Variants in PDE1A observed in about 807,000 individuals in gnomAD.
PDE1A encodes the protein dual specificity calcium/calmodulin-dependent 3',5'-cyclic nucleotide phosphodiesterase 1A.
A neutral mutation model predicts 61.7 loss-of-function variants in PDE1A; 35 were observed. The observed-to-expected ratio is 0.57, with a 90% CI of 0.43 to 0.75. The LOEUF is 0.75. Among genes scored for constraint, PDE1A ranks in the 30% least tolerant of loss-of-function variants. The pLI, the probability that PDE1A is intolerant of heterozygous loss-of-function variation, is 0.00. For missense variants in PDE1A, 597 were observed against 630.6 expected, an observed-to-expected ratio of 0.95 and a Z score of 0.57; for synonymous variants, 232 against 213.2, an observed-to-expected ratio of 1.09 and a Z score of -0.77.
chr2:182,522,396 TAC>T, intron 1 of PDE1A: 1 of 1,612,830 alleles, frequency 6.2e-7, no homozygotes, highest in Non-Finnish European at 8.5e-7. Context: ...CCTAAGACAA[TAC>T]AGTTACAGTC....
intron 2 of PDE1A, among the ~76,000 whole-genome samples, chr2:182,480,952 G>C (rs1574762418): frequency 6.6e-6 from 1 of 151,994 alleles, no homozygotes; most frequent in Non-Finnish European, 1.5e-5. Flanking sequence ...TACCTCCTCT[G>C]TCCTCTCTCC....
At chr2:182,379,509 G>A (rs1054833215) in intron 1 of PDE1A, among the ~76,000 whole-genome samples, 1 of 152,170 alleles carries the variant, frequency 6.6e-6, no homozygotes, top group Non-Finnish European at 1.5e-5. Flanking sequence ...AGAAATAAGG[G>A]CTTGGACAAG....
chr2:182,409,917 T>C (rs1702513808), intron 1 of PDE1A, among the ~76,000 whole-genome samples: 1 of 152,226 alleles, frequency 6.6e-6, no homozygotes, highest in African/African-American at 2.4e-5. Context: ...AGGATAATAA[T>C]TTTAATATAA....
chr2:182,551,930 T>C, the PDE1A span, among the ~76,000 whole-genome samples: 5 of 152,256 alleles, frequency 3.3e-5, no homozygotes, highest in South Asian at 8.3e-4. Flanking sequence ...CCAAACACAG[T>C]GTCTATTTCT....
chr2:182,209,474 C>T (rs961845883), intron 7 of PDE1A, among the ~76,000 whole-genome samples: 8 of 151,368 alleles, frequency 5.3e-5, no homozygotes. Flanking sequence ...ATGTTGATTA[C>T]AATTCAACAT....
chr2:182,432,538 T>A (rs890215351), intron 2 of PDE1A, among the ~76,000 whole-genome samples: 2 of 152,100 alleles, frequency 1.3e-5, no homozygotes, highest in Non-Finnish European at 2.9e-5. Context: ...TTGTATTCCC[T>A]GTGCATAGTA....
the PDE1A span, among the ~76,000 whole-genome samples, chr2:182,587,923 G>A: frequency 6.6e-6 from 1 of 152,182 alleles, no homozygotes; most frequent in East Asian, 1.9e-4. Flanking sequence ...ACAACTTGAT[G>A]TGACTTTGAA....
In PDE1A at chr2:182,315,387, T is replaced by C. The variant is rs112387379; in HGVS notation, c.54-50973A>G. Reference sequence around the variant, plus strand: ...ACAGAGTTTCTCTCTCAGAACTTACTTCTAGAAAGCTAGAAGACAAATATT... The same window carrying C: ...ACAGAGTTTCTCTCTCAGAACTTACCTCTAGAAAGCTAGAAGACAAATATT... On this transcript the variant is annotated intron_variant, in intron 1 of 13. Transcript: ENST00000351439. Among the ~76,000 whole-genome samples the C allele has an allele frequency of 6.6e-5, 10 of 152,302 alleles. 1 individual carries two copies. The highest frequency in any genetic ancestry group is 2.4e-4 in the African/African-American group (10 of 41,560).
chr2:182,155,111 G>A lies in PDE1A; in HGVS notation c.1517-7959C>T, dbSNP rs113795787. 1.1e-3 allele frequency among the ~76,000 whole-genome samples: 165 copies of A among 144,720 alleles called. 1 individual carries two copies. The Middle Eastern group carries it at 0.014, about 13-fold the overall frequency. The allele number at this position is 144,720 out of a possible 152,430, so 94.9% of individuals were successfully genotyped here. ...TTTTTTTTTTTTTTTTTTAAGAGAG[G>A]GTCCCACTCTGGTTACCCAGGCTGG... is the stretch of plus-strand genomic sequence containing the variant. On this transcript the variant is annotated intron_variant, in intron 13 of 13. Transcript: ENST00000409365.
At chr2:182,362,123 T>G (rs531218274) in intron 1 of PDE1A, among the ~76,000 whole-genome samples, 1 of 152,192 alleles carries the variant, frequency 6.6e-6, no homozygotes, top group Non-Finnish European at 1.5e-5. Flanking sequence ...AGAATTCAGA[T>G]GTTTGCTAGT....
chr2:182,511,506 G>T (rs1689787301), intron 2 of PDE1A, among the ~76,000 whole-genome samples: 1 of 152,116 alleles, frequency 6.6e-6, no homozygotes, highest in Non-Finnish European at 1.5e-5. Flanking sequence ...CTTTTGAGCT[G>T]GCAGGGAGAG....
chr2:182,268,750 A>G (rs1208256469), intron 1 of PDE1A, among the ~76,000 whole-genome samples: 5 of 151,886 alleles, frequency 3.3e-5, no homozygotes, highest in Non-Finnish European at 7.4e-5. Flanking sequence ...ATGTTTGGTT[A>G]CCAGGCGTAT....
intron 1 of PDE1A, among the ~76,000 whole-genome samples, chr2:182,268,601 T>C (rs112442796): frequency 5.3e-5 from 8 of 152,078 alleles, no homozygotes; most frequent in Admixed American, 1.3e-4. Context: ...GTTGCTTCTT[T>C]TATGCACACC....
chr2:182,447,118 T>C (rs922293997), intron 2 of PDE1A, among the ~76,000 whole-genome samples: 4 of 149,300 alleles, frequency 2.7e-5, no homozygotes, highest in African/African-American at 9.9e-5. Flanking sequence ...TTTTTTCACT[T>C]ACACACACAC....
chr2:182,507,541 C>T (rs1341930195), intron 2 of PDE1A, among the ~76,000 whole-genome samples: 2 of 151,962 alleles, frequency 1.3e-5, no homozygotes, highest in Non-Finnish European at 2.9e-5. Flanking sequence ...CTTTCTAAGC[C>T]TTTGATTGTG....
chr2:182,541,095 T>C, the PDE1A span, among the ~76,000 whole-genome samples: 3 of 152,210 alleles, frequency 2.0e-5, no homozygotes, highest in East Asian at 5.8e-4. Flanking sequence ...AAGATATATT[T>C]ATATGTAAGA....
At chr2:182,535,279 T>C in the PDE1A span, among the ~76,000 whole-genome samples, 1 of 152,180 alleles carries the variant, frequency 6.6e-6, no homozygotes, top group South Asian at 2.1e-4. Flanking sequence ...ATTCATTTTA[T>C]AGATGAGGAA....
the PDE1A span, among the ~76,000 whole-genome samples, chr2:182,540,705 C>T: frequency 6.6e-6 from 1 of 152,128 alleles, no homozygotes; most frequent in Admixed American, 6.5e-5. Context: ...TACCTTTCTT[C>T]ATATGTACAC....
intron 1 of PDE1A, among the ~76,000 whole-genome samples, chr2:182,406,355 A>G (rs1702296743): frequency 7.6e-6 from 1 of 132,064 alleles, no homozygotes; most frequent in African/African-American, 2.7e-5. Flanking sequence ...ATTTATTTTT[A>G]GGTTTTTTGG....
Sources: gnomAD v4.1 joint callset for allele counts (sites outside exome capture counted in the v4.1 genomes callset) on GRCh38, gnomAD v4.1.1 for gene constraint, MANE v1.5 for transcripts, NCBI Gene and HGNC (gene_info 2026-07-23, HGNC 2026-07-21) for gene names.